The following OR2Z1 variants were observed in gnomAD, a reference collection of about 807,000 sequenced individuals.
The protein encoded by OR2Z1 is olfactory receptor family 2 subfamily Z member 1.
For missense variants in OR2Z1, 449 were observed against 401.8 expected, an observed-to-expected ratio of 1.12 and a Z score of -1.00; for synonymous variants, 188 against 160.6, an observed-to-expected ratio of 1.17 and a Z score of -1.29.
intron 2 of OR2Z1, among the ~76,000 whole-genome samples, chr19:8,724,079 C>T (rs36242): frequency 0.12 from 17,781 of 150,884 alleles, 1,363 homozygotes; most frequent in East Asian, 0.28. Flanking sequence ...TGTGAAATGC[C>T]GATGCAAGAA....
chr19:8,731,610 C>T lies in OR2Z1; in HGVS notation c.582C>T (p.Ala194=). ...AGCTCTCCTGTGCAGATACCTGTGC[C>T]TACGAGATGGCGCTGTCCACCTCAG... ...LLKLSCADTC[A]YEMALSTSGV... Residue 194 remains alanine, a synonymous_variant, in exon 3 of 3, where the codon GCC becomes GCT. Coordinates refer to ENST00000641125, the MANE Select transcript of OR2Z1 (RefSeq NM_001004699.3). 4 of 1,613,984 alleles carry T rather than the reference C, an allele frequency of 2.5e-6. No homozygotes were observed. The highest frequency in any genetic ancestry group is 3.4e-6 in the Non-Finnish European group (4 of 1,180,018).
At chr19:8,727,485 C>T (rs868929969) in intron 2 of OR2Z1, among the ~76,000 whole-genome samples, 5 of 152,168 alleles carry the variant, frequency 3.3e-5, no homozygotes, top group African/African-American at 1.2e-4. Context: ...AGCACACCAA[C>T]ATGGCGCATG....
chr19:8,728,083 C>G (rs1206000978), intron 2 of OR2Z1, among the ~76,000 whole-genome samples: 2 of 152,222 alleles, frequency 1.3e-5, no homozygotes, highest in Non-Finnish European at 2.9e-5. Context: ...TCTGAGAGAA[C>G]CACTCCTGTC....
intron 2 of OR2Z1, among the ~76,000 whole-genome samples, chr19:8,729,481 G>A (rs1282706156): frequency 2.0e-5 from 3 of 150,124 alleles, no homozygotes; most frequent in Non-Finnish European, 3.0e-5. Context: ...TGTGATCATA[G>A]CTCACTGCAG....
Position 8,731,076 on chromosome 19 carries a change from C to A in OR2Z1, c.48C>A (p.Gly16=). Residue 16 remains glycine (G), a synonymous_variant, in exon 3 of 3, where the codon GGC becomes GGA. Transcript: ENST00000641125. Reference sequence around the variant, plus strand: ...TGGCCTCAGACTTCATTCTGGTGGGCCTCTTCAGTCACTCAGGATCACGCC... The same window carrying A: ...TGGCCTCAGACTTCATTCTGGTGGGACTCTTCAGTCACTCAGGATCACGCC... ...QSVASDFILV[G]LFSHSGSRQL... 1 of 1,614,128 alleles carries A rather than the reference C, an allele frequency of 6.2e-7. No individual in the cohort carries two copies. The highest frequency in any genetic ancestry group is 8.5e-7 in the Non-Finnish European group (1 of 1,180,012).
rs1555756865 is a variant in OR2Z1 at position 8,731,872 on chromosome 19, A to T, written c.844A>T (p.Thr282Ser). 6.2e-7 allele frequency: 1 copy of T among 1,613,950 alleles called. No homozygotes were observed. The highest frequency in any genetic ancestry group is 1.3e-5 in the African/African-American group (1 of 74,944). Residue 282 changes from threonine to serine, a missense_variant, in exon 3 of 3, where the codon ACC (threonine) becomes TCC (serine). Coordinates refer to ENST00000641125, the MANE Select transcript of OR2Z1 (RefSeq NM_001004699.3). Reference protein sequence around the residue: ...NVVSLFYSLVTPTLNPLIYSL... With the variant: ...NVVSLFYSLVSPTLNPLIYSL... ...GGTTTCCCTCTTCTATAGCCTTGTC[A>T]CCCCTACACTCAACCCCCTTATCTA...
chr19:8,726,300 A>G (rs1370801670), intron 2 of OR2Z1, among the ~76,000 whole-genome samples: 4 of 152,100 alleles, frequency 2.6e-5, no homozygotes, highest in Admixed American at 6.5e-5. Flanking sequence ...ATCTCGCAAG[A>G]ACTCACTCAC....
chr19:8,723,250 A>G (rs900528824), intron 2 of OR2Z1, 100 bp downstream of exon 2: 2 of 152,068 alleles, frequency 1.3e-5, no homozygotes, highest in Admixed American at 1.3e-4. Context: ...CAGTCCATAC[A>G]GTCCGGATGC....
chr19:8,732,074 A>G lies in OR2Z1; in HGVS notation c.*101A>G. 1 of 906,258 alleles carries G rather than the reference A, an allele frequency of 1.1e-6. No individual in the cohort carries two copies. Among genetic ancestry groups the G allele is most frequent in the Non-Finnish European group, 1.7e-6 (1 of 587,498 alleles). The allele number at this position is 906,258 out of a possible 1,614,324, so 56.1% of individuals were successfully genotyped here. On this transcript the variant is annotated 3_prime_UTR_variant, in exon 3 of 3. Coordinates refer to ENST00000641125, the MANE Select transcript of OR2Z1 (RefSeq NM_001004699.3). ...AATTGCCAATTTGTGCAACTGGCCA[A>G]ATATCCAGCCATTGCCCAAGGTGCA...
At position 8,730,968 on chromosome 19, in the gene OR2Z1, A is replaced by C. The variant is rs2043349950; in HGVS notation, c.-61A>C. 1.5e-6 allele frequency: 2 copies of C among 1,379,222 alleles called. No homozygotes were observed. The highest frequency in any genetic ancestry group is 2.0e-6 in the Non-Finnish European group (2 of 986,022). 85.4% of individuals were successfully genotyped at this position (1,379,222 alleles called of 1,614,324 possible). A position where few individuals can be genotyped will look rare whatever the true frequency, so the allele number is the denominator to read the frequency against. On this transcript the variant is annotated 5_prime_UTR_variant, in exon 3 of 3. An upstream start codon of the reference 5' UTR is lost. Transcript: ENST00000641125. ...TGAGATGAAAATTATTTGCCACCCC[A>C]TGCAGGCTTCTTGCCATAGTTCAGC...
At position 8,732,022 on chromosome 19, in the gene OR2Z1, C is replaced by T. The variant is rs1038879399; in HGVS notation, c.*49C>T. 1.4e-6 allele frequency: 2 copies of T among 1,429,190 alleles called. No individual in the cohort carries two copies. Among genetic ancestry groups the T allele is most frequent in the East Asian group, 2.3e-5 (1 of 43,606 alleles). The allele number at this position is 1,429,190 out of a possible 1,614,324, so 88.5% of individuals were successfully genotyped here. A position where few individuals can be genotyped will look rare whatever the true frequency, so the allele number is the denominator to read the frequency against. On this transcript the variant is annotated 3_prime_UTR_variant, in exon 3 of 3. Transcript: ENST00000641125. ...TTCCAGCGGTCCTCGATCCCACCCA[C>T]CTTCCCAAAGTATGCATTTGGCATT...
At position 8,731,666 on chromosome 19, in the gene OR2Z1, T is replaced by C. The variant is rs781996623; in HGVS notation, c.638T>C (p.Leu213Pro). The change falls in exon 3 of 3, where the codon CTC becomes CCC. Residue 213 changes from leucine (L) to proline (P), a missense_variant. By Grantham distance (98) the Leu-to-Pro change is moderately conservative (BLOSUM62 -3). Coordinates refer to ENST00000641125, the MANE Select transcript of OR2Z1 (RefSeq NM_001004699.3). ...CTGATCCTAATGCTCCCTCTTTCCC[T>C]CATCGCCACCTCCTACGGCCACGTG... ...GVLILMLPLS[L>P]IATSYGHVLQ... The C allele has an allele frequency of 2.0e-5, 33 of 1,613,998 alleles. No individual in the cohort carries two copies. In the South Asian group the frequency reaches 3.4e-4, roughly 17 times the overall value.
In OR2Z1 at chr19:8,731,874, C is replaced by G; in HGVS notation, c.846C>G (p.Thr282=). 1.2e-6 allele frequency: 2 copies of G among 1,614,170 alleles called. No individual in the cohort carries two copies. Among genetic ancestry groups the G allele is most frequent in the African/African-American group, 1.3e-5 (1 of 75,032 alleles). Residue 282 remains threonine (T), a synonymous_variant, in exon 3 of 3, where the codon ACC becomes ACG. Transcript: ENST00000641125. Reference sequence around the variant, plus strand: ...TTTCCCTCTTCTATAGCCTTGTCACCCCTACACTCAACCCCCTTATCTACA... The same window carrying G: ...TTTCCCTCTTCTATAGCCTTGTCACGCCTACACTCAACCCCCTTATCTACA... The part of the protein sequence containing the change: ...NVVSLFYSLV[T]PTLNPLIYSL...
chr19:8,726,375 T>C (rs1003275672), intron 2 of OR2Z1, among the ~76,000 whole-genome samples: 1 of 152,092 alleles, frequency 6.6e-6, no homozygotes. Flanking sequence ...TCCAATCACC[T>C]CCCAGCAGGC....
chr19:8,723,329 C>T (rs1438330368), intron 2 of OR2Z1, among the ~76,000 whole-genome samples, 179 bp downstream of exon 2: 8 of 152,092 alleles, frequency 5.3e-5, no homozygotes, highest in Non-Finnish European at 2.9e-5. Flanking sequence ...CTCTACCTGA[C>T]CTTCAAAACT....
chr19:8,731,538 C>T lies in OR2Z1; in HGVS notation c.510C>T (p.Ala170=). Reference sequence around the variant, plus strand: ...TCACCCTGCATTTTCCCTACTGTGCCTCCCGTATTGTGGATCACTTCTTCT... The same window carrying T: ...TCACCCTGCATTTTCCCTACTGTGCTTCCCGTATTGTGGATCACTTCTTCT... The part of the protein sequence containing the change: ...TSITLHFPYC[A]SRIVDHFFCE... The change falls in exon 3 of 3, where the codon GCC becomes GCT. Residue 170 remains alanine, a synonymous_variant. Transcript: ENST00000641125. 1.2e-6 allele frequency: 2 copies of T among 1,614,116 alleles called. No homozygotes were observed. The highest frequency in any genetic ancestry group is 1.7e-6 in the Non-Finnish European group (2 of 1,180,040).
At chr19:8,728,908 C>T (rs1464096022) in intron 2 of OR2Z1, 2 of 661,856 alleles carry the variant, frequency 3.0e-6, no homozygotes, top group East Asian at 3.3e-5. Flanking sequence ...TCAATGTCCA[C>T]AATGAACGAA....
rs2043351671 is a variant in OR2Z1, at chr19:8,731,169, C to T, written c.141C>T (p.Phe47=). ...IGLLGNTVLL[F]LIRVDSRLHT... ...TTCTGGGCAACACCGTTCTTCTCTT[C>T]TTGATCCGTGTGGACTCCCGGCTCC... is the stretch of plus-strand genomic sequence containing the variant. The change falls in exon 3 of 3, where the codon TTC becomes TTT. Residue 47 remains phenylalanine (F), a synonymous_variant. Coordinates refer to ENST00000641125, the MANE Select transcript of OR2Z1 (RefSeq NM_001004699.3). 6.2e-7 allele frequency: 1 copy of T among 1,613,924 alleles called. No individual in the cohort carries two copies. Among genetic ancestry groups the T allele is most frequent in the Non-Finnish European group, 8.5e-7 (1 of 1,180,020 alleles).
intron 1 of OR2Z1, among the ~76,000 whole-genome samples, chr19:8,722,773 T>C (rs1248837099): frequency 2.0e-5 from 3 of 151,880 alleles, no homozygotes; most frequent in Non-Finnish European, 2.9e-5. Flanking sequence ...GAGGCCAAGA[T>C]GGGGAGGTAT....
Sources: gnomAD v4.1 joint callset for allele counts (sites outside exome capture counted in the v4.1 genomes callset) on GRCh38, gnomAD v4.1.1 for gene constraint, MANE v1.5 for transcripts, NCBI Gene and HGNC (gene_info 2026-07-23, HGNC 2026-07-21) for gene names.